UGGT1: variants seen among roughly 807,000 people sequenced by gnomAD.
UGGT1 encodes the protein UDP-glucose:glycoprotein glucosyltransferase 1.
Under a neutral mutation model 203.9 loss-of-function variants are expected in UGGT1, and 107 were observed. The observed-to-expected ratio is 0.52, with a 90% CI of 0.45 to 0.62. UGGT1 has a LOEUF of 0.62. UGGT1 is among the 20% of genes least tolerant of loss of function. The pLI is 0.00. For synonymous variants in UGGT1, 628 were observed against 653.5 expected (o/e 0.96, Z 0.59); for missense variants, 1,673 against 1,867.2 (o/e 0.90, Z 1.92).
chr2:128,138,581 G>A, intron 15 of UGGT1, 136 bp from the exon 16 acceptor site: 1 of 971,406 alleles, frequency 1.0e-6, no homozygotes, highest in Non-Finnish European at 1.5e-6. Context: ...AGTAGAGTAG[G>A]CTGTGAACTG....
chr2:128,119,146 CA>C (rs1419339983), intron 8 of UGGT1, among the ~76,000 whole-genome samples: 1 of 152,138 alleles, frequency 6.6e-6, no homozygotes, highest in East Asian at 1.9e-4. Context: ...ACTTTGATGT[CA>C]TGTTGACATT....
intron 15 of UGGT1, among the ~76,000 whole-genome samples, chr2:128,136,001 G>A (rs138778583): frequency 0.013 from 1,917 of 152,322 alleles, 19 homozygotes; most frequent in Non-Finnish European, 0.022. Flanking sequence ...AAGTTGGGTC[G>A]TGGTACACAG....
intron 2 of UGGT1, among the ~76,000 whole-genome samples, chr2:128,100,246 G>A (rs907417696): frequency 6.6e-6 from 1 of 151,970 alleles, no homozygotes; most frequent in Admixed American, 6.6e-5. Flanking sequence ...CATGTTGGCC[G>A]CCAGGCTGGT....
intron 26 of UGGT1, among the ~76,000 whole-genome samples, chr2:128,167,294 T>C (rs1439217457): frequency 6.6e-6 from 1 of 152,254 alleles, no homozygotes; most frequent in East Asian, 1.9e-4. Context: ...AATACCTTAA[T>C]TATAAATTCT....
At chr2:128,154,750 G>A (rs1690146155) in intron 19 of UGGT1, among the ~76,000 whole-genome samples, 1 of 152,068 alleles carries the variant, frequency 6.6e-6, no homozygotes, top group Admixed American at 6.6e-5. Flanking sequence ...TAAATGAGTG[G>A]GTAGGCAGGC....
At position 128,091,288 on chromosome 2, in the gene UGGT1, C is replaced by T; in HGVS notation, c.-70C>T. The T allele has an allele frequency of 6.9e-7, 1 of 1,450,514 alleles. No individual in the cohort carries two copies. The highest frequency in any genetic ancestry group is 1.5e-5 in the African/African-American group (1 of 68,262). 89.9% of individuals were successfully genotyped at this position (1,450,514 alleles called of 1,614,324 possible). A position where few individuals can be genotyped will look rare whatever the true frequency, so the allele number is the denominator to read the frequency against. On this transcript the variant is annotated 5_prime_UTR_variant, in exon 1 of 41. Transcript: ENST00000259253. ...CTCTCACTGGCGCAGCCTGCACTGCCGCTGCCGCCTCGCCCCGCCCTGCCC... is the reference window on the plus strand; with the variant it reads ...CTCTCACTGGCGCAGCCTGCACTGCTGCTGCCGCCTCGCCCCGCCCTGCCC...
intron 1 of UGGT1, among the ~76,000 whole-genome samples, chr2:128,092,171 A>G (rs1686897043): frequency 6.6e-6 from 1 of 151,656 alleles, no homozygotes; most frequent in Non-Finnish European, 1.5e-5. Flanking sequence ...CAGGCGTTTG[A>G]AGACATTTTA....
intron 16 of UGGT1, among the ~76,000 whole-genome samples, chr2:128,139,527 G>A (rs542171394): frequency 7.8e-4 from 119 of 152,302 alleles, no homozygotes; most frequent in African/African-American, 2.6e-3. Context: ...CTTGGAGGCC[G>A]AATGTCACAC....
At chr2:128,125,095 T>G (rs897143286) in intron 11 of UGGT1, among the ~76,000 whole-genome samples, 1 of 152,178 alleles carries the variant, frequency 6.6e-6, no homozygotes, top group Non-Finnish European at 1.5e-5. Flanking sequence ...CCGTCAGTCT[T>G]CTGGCTGGTG....
intron 37 of UGGT1, among the ~76,000 whole-genome samples, chr2:128,183,415 C>A (rs954322466): frequency 6.6e-6 from 1 of 152,286 alleles, no homozygotes; most frequent in Non-Finnish European, 1.5e-5. Flanking sequence ...GCCGCATATG[C>A]TAGAAATCTT....
intron 25 of UGGT1, among the ~76,000 whole-genome samples, chr2:128,163,373 G>GTT (rs5834199): frequency 6.1e-5 from 7 of 114,144 alleles, no homozygotes; most frequent in East Asian, 2.6e-4. Context: ...AAATTGGAGT[G>GTT]TTTTTTTTTT....
At chr2:128,183,825 C>A in intron 38 of UGGT1, 36 bp downstream of exon 38, 1 of 1,495,926 alleles carries the variant, frequency 6.7e-7, no homozygotes, top group Non-Finnish European at 9.3e-7. Context: ...CTGTGAGTGA[C>A]GGGTATACAG....
Position 128,132,839 on chromosome 2 carries a change from G to C in UGGT1, c.1378-302G>C, listed in dbSNP as rs200916342. Among the ~76,000 whole-genome samples the C allele has an allele frequency of 2.6e-5, 4 of 152,220 alleles. No individual in the cohort carries two copies. The East Asian group carries it at 7.7e-4, about 29-fold the overall frequency. ...TGATCATCCCGCCTCAGCCTCCTGAGTGGCTGGGACAGCAGCCACCATGCC... is the reference window on the plus strand; with the variant it reads ...TGATCATCCCGCCTCAGCCTCCTGACTGGCTGGGACAGCAGCCACCATGCC... On this transcript the variant is annotated intron_variant, in intron 13 of 40. Transcript: ENST00000259253.
chr2:128,097,465 C>T lies in UGGT1; in HGVS notation c.95C>T (p.Thr32Ile), dbSNP rs1687164983. The T allele has an allele frequency of 6.2e-7, 1 of 1,614,044 alleles. No homozygotes were observed. Among genetic ancestry groups the T allele is most frequent in the Non-Finnish European group, 8.5e-7 (1 of 1,180,018 alleles). Reference protein sequence around the residue: ...CYKMGVLVVLTVLWLFSSVKA... With the variant: ...CYKMGVLVVLIVLWLFSSVKA... ...AAAATGGGAGTTCTGGTTGTACTCA[C>T]TGTTCTGTGGCTGTTCTCCTCAGTA... The change falls in exon 2 of 41, where the codon ACT becomes ATT. Residue 32 changes from threonine to isoleucine, a missense_variant. This residue lies in a region of UGGT1 where 83 missense variants were observed against 87.2 expected (regional missense o/e 0.95). Transcript: ENST00000259253.
At chr2:128,170,826 G>A (rs529003458) in intron 27 of UGGT1, among the ~76,000 whole-genome samples, 2 of 152,102 alleles carry the variant, frequency 1.3e-5, no homozygotes, top group Non-Finnish European at 2.9e-5. Context: ...AAAGACAGTC[G>A]CTCCAACATT....
intron 2 of UGGT1, 152 bp from the exon 3 acceptor site, chr2:128,103,780 T>C (rs1408517130): frequency 3.4e-6 from 1 of 297,996 alleles, no homozygotes; most frequent in African/African-American, 2.2e-5. Context: ...TAAAAATATA[T>C]ATATTATACA....
chr2:128,183,937 T>TGTGTGTGTGAGAGA, intron 38 of UGGT1, 148 bp downstream of exon 38: 1 of 326,390 alleles, frequency 3.1e-6, no homozygotes, highest in Non-Finnish European at 5.7e-6. Flanking sequence ...TGTGTGTGTG[T>TGTGTGTGTGAGAGA]GAGAGAGAGA....
In UGGT1 at chr2:128,129,169, C is replaced by A; in HGVS notation, c.1367C>A (p.Pro456His). 6.2e-7 allele frequency: 1 copy of A among 1,608,402 alleles called. No individual in the cohort carries two copies. The highest frequency in any genetic ancestry group is 1.7e-5 in the Admixed American group (1 of 58,018). Residue 456 changes from proline (P) to histidine (H), a missense_variant, in exon 13 of 41, where the codon CCT becomes CAT. This residue lies in a region of UGGT1 where 1,073 missense variants were observed against 1,078.7 expected (regional missense o/e 0.99). Coordinates refer to ENST00000259253, the MANE Select transcript of UGGT1 (RefSeq NM_020120.4). ...GACTATGCCGTAGACATCCGGAGTC[C>A]TGCTATTTCAGTGAGTATTTTGTTA... Reference protein sequence around the residue: ...EADYAVDIRSPAISWVNNLEV... With the variant: ...EADYAVDIRSHAISWVNNLEV...
chr2:128,110,645 G>A (rs747718269), intron 5 of UGGT1, among the ~76,000 whole-genome samples: 33 of 152,102 alleles, frequency 2.2e-4, no homozygotes, highest in African/African-American at 7.0e-4. Flanking sequence ...AAAGAACAAC[G>A]GTGTCTCCTC....
Sources: allele counts gnomAD v4.1 joint callset (sites outside exome capture counted in the v4.1 genomes callset), GRCh38; gene constraint gnomAD v4.1.1; regional missense constraint gnomAD v4.1.1; transcripts MANE v1.5; gene names NCBI Gene and HGNC (gene_info 2026-07-23, HGNC 2026-07-21).